The following DDX11 variants were observed in gnomAD, a reference collection of about 807,000 sequenced individuals.
The protein encoded by DDX11 is ATP-dependent DNA helicase DDX11.
Under a neutral mutation model 125.2 loss-of-function variants are expected in DDX11, and 72 were observed. The ratio of observed to expected loss-of-function variants is 0.58; its 90% CI spans 0.48 to 0.70. The LOEUF (loss-of-function observed/expected upper bound fraction) is 0.70. Ranked by LOEUF, DDX11 falls within the 30% of genes least tolerant of loss-of-function variation. The pLI is 0.00. For synonymous variants in DDX11, 347 were observed against 452.6 expected (o/e 0.77, Z 2.96); for missense variants, 883 against 1,165.0 (o/e 0.76, Z 3.52).
At chr12:31,097,205 T>C (rs1409145357) in intron 17 of DDX11, among the ~76,000 whole-genome samples, 27 of 143,320 alleles carry the variant, frequency 1.9e-4, no homozygotes, top group African/African-American at 6.8e-4. Flanking sequence ...GTGACCAGGG[T>C]AAGCAGTGGA....
chr12:31,082,893 C>T (rs948516949), intron 2 of DDX11, among the ~76,000 whole-genome samples: 3 of 152,136 alleles, frequency 2.0e-5, no homozygotes, highest in African/African-American at 7.2e-5. Context: ...GGCGTGTTCT[C>T]CTTGGGTATC....
Position 31,096,380 on chromosome 12 carries a change from GT to G in DDX11, c.1521+2del. On this transcript the variant is annotated splice_donor_variant, in intron 15 of 26. Coordinates refer to ENST00000542838, the MANE Select transcript of DDX11 (RefSeq NM_030653.4). LOFTEE classifies it high-confidence loss of function. ...TGAGAAGAGCATGATCAGCAGAAAGGTAACTGCTCCCATCTTGTGGTCCTGA... is the reference window on the plus strand; with the variant it reads ...TGAGAAGAGCATGATCAGCAGAAAGGAACTGCTCCCATCTTGTGGTCCTGA... 1 of 1,613,164 alleles carries G rather than the reference GT, an allele frequency of 6.2e-7. No individual in the cohort carries two copies. The highest frequency in any genetic ancestry group is 1.3e-5 in the African/African-American group (1 of 74,856).
At position 31,084,982 on chromosome 12, in the gene DDX11, A is replaced by C. The variant is rs1368079464; in HGVS notation, c.494A>C (p.Glu165Ala). Reference protein sequence around the residue: ...YAAKRLRQEEEERENLLRLSR... With the variant: ...YAAKRLRQEEAERENLLRLSR... Reference sequence around the variant, plus strand: ...ACCCCTGTCCAGAGGCAGGAAGAAGAAGAAAGAGAGAATCTCCTCCGCCTC... The same window carrying C: ...ACCCCTGTCCAGAGGCAGGAAGAAGCAGAAAGAGAGAATCTCCTCCGCCTC... The change falls in exon 5 of 27, where the codon GAA (glutamate) becomes GCA (alanine). Residue 165 changes from glutamate to alanine, a missense_variant. By Grantham distance (107) the Glu-to-Ala change is moderately radical (BLOSUM62 -1). This residue lies in a region of DDX11 where 283 missense variants were observed against 359.6 expected (regional missense o/e 0.79). Coordinates refer to ENST00000542838, the MANE Select transcript of DDX11 (RefSeq NM_030653.4). The C allele has an allele frequency of 6.2e-7, 1 of 1,608,552 alleles. No homozygotes were observed. Among genetic ancestry groups the C allele is most frequent in the African/African-American group, 1.3e-5 (1 of 74,878 alleles).
At chr12:31,095,205 C>T (rs1007222960) in intron 14 of DDX11, among the ~76,000 whole-genome samples, 3 of 152,230 alleles carry the variant, frequency 2.0e-5, no homozygotes, top group Non-Finnish European at 4.4e-5. Context: ...CAGACCTCTG[C>T]TCACTCCAGG....
chr12:31,098,583 T>G (rs1161057867), intron 18 of DDX11, among the ~76,000 whole-genome samples: 1 of 152,218 alleles, frequency 6.6e-6, no homozygotes, highest in Non-Finnish European at 1.5e-5. Context: ...AGTTTTCTGT[T>G]TTGAGCATGA....
intron 6 of DDX11, among the ~76,000 whole-genome samples, chr12:31,088,735 G>A (rs1259363519): frequency 6.6e-5 from 10 of 152,098 alleles, no homozygotes; most frequent in African/African-American, 2.4e-4. Flanking sequence ...CCTTTGCCAC[G>A]GGAGATGGTC....
chr12:31,084,022 G>A lies in DDX11; in HGVS notation c.354G>A (p.Val118=), dbSNP rs1451439900. Residue 118 remains valine (V), a synonymous_variant, in exon 3 of 27, where the codon GTG becomes GTA. Coordinates refer to ENST00000542838, the MANE Select transcript of DDX11 (RefSeq NM_030653.4). ...AGEPAWVTQF[V]QKKEERDLVD... ...AACCGGCCTGGGTTACTCAGTTTGT[G>A]CAGAAGAAAGAAGAGAGGGACCTGG... The A allele has an allele frequency of 6.2e-7, 1 of 1,613,866 alleles. No homozygotes were observed. The highest frequency in any genetic ancestry group is 8.5e-7 in the Non-Finnish European group (1 of 1,179,876).
At chr12:31,094,247 G>C in intron 12 of DDX11, 1 of 357,552 alleles carries the variant, frequency 2.8e-6, no homozygotes, top group Admixed American at 3.9e-5. Flanking sequence ...GCTCTGCTTT[G>C]CCTCAGGCTC....
intron 1 of DDX11, among the ~76,000 whole-genome samples, chr12:31,075,047 G>A (rs1160110657): frequency 3.3e-5 from 5 of 152,314 alleles, no homozygotes; most frequent in Admixed American, 1.3e-4. Flanking sequence ...TGTTCCTGAA[G>A]TGCTTTCACA....
chr12:31,077,573 T>A (rs373502811), intron 1 of DDX11, among the ~76,000 whole-genome samples: 1 of 151,056 alleles, frequency 6.6e-6, no homozygotes, highest in Non-Finnish European at 1.5e-5. Context: ...GTAGGCCGGG[T>A]GCGGTGGCTC....
rs375178842 is a variant in DDX11, at chr12:31,089,369, A to G, written c.793-34A>G. 3.0e-5 allele frequency: 49 copies of G among 1,610,702 alleles called. No individual in the cohort carries two copies. The African/African-American group carries it at 4.1e-4, about 14-fold the overall frequency. On this transcript the variant is annotated intron_variant, in intron 7 of 26. Coordinates refer to ENST00000542838, the MANE Select transcript of DDX11 (RefSeq NM_030653.4). ...GGTAGGATGTCATTTAGCTGGCACC[A>G]TCTTTTTGCCTCTTTCTTTCTCCTT...
At chr12:31,076,202 T>C (rs1304411142) in intron 1 of DDX11, among the ~76,000 whole-genome samples, 4 of 152,078 alleles carry the variant, frequency 2.6e-5, no homozygotes, top group Non-Finnish European at 4.4e-5. Flanking sequence ...AGCTGAAAGG[T>C]CCAGGGGCTG....
At position 31,104,158 on chromosome 12, in the gene DDX11, A is replaced by C; in HGVS notation, c.*322A>C. ...CCTGGTCTCCGCAGGAGGCTGTGGC[A>C]GCTGTGGCATCCACTGTGGCATCTC... is the stretch of plus-strand genomic sequence containing the variant. On this transcript the variant is annotated 3_prime_UTR_variant, in exon 27 of 27. Coordinates refer to ENST00000542838, the MANE Select transcript of DDX11 (RefSeq NM_030653.4). 6.9e-7 allele frequency: 1 copy of C among 1,447,044 alleles called. No homozygotes were observed. Among genetic ancestry groups the C allele is most frequent in the Non-Finnish European group, 9.1e-7 (1 of 1,097,388 alleles). The allele number at this position is 1,447,044 out of a possible 1,614,324, so 89.6% of individuals were successfully genotyped here. A position where few individuals can be genotyped will look rare whatever the true frequency, so the allele number is the denominator to read the frequency against.
rs141393116 is a variant in DDX11 at position 31,083,962 on chromosome 12, C to T, written c.294C>T (p.Cys98=). The T allele has an allele frequency of 2.5e-4, 400 of 1,613,836 alleles. 2 individuals carry two copies. Among genetic ancestry groups the T allele is most frequent in the Middle Eastern group, 1.3e-3 (8 of 6,078 alleles). The stretch of plus-strand genomic sequence containing the variant: ...AATCCCTGTGTCTGTCTTCTTCCTG[C>T]GAAGGGGCTGCAGGCACCCCGAGGC... The part of the protein sequence containing the change: ...KDESLCLSSS[C]EGAAGTPRPA... Residue 98 remains cysteine, a synonymous_variant, in exon 3 of 27, where the codon TGC becomes TGT. Coordinates refer to ENST00000542838, the MANE Select transcript of DDX11 (RefSeq NM_030653.4).
In DDX11 at chr12:31,100,587, G is replaced by A. The variant is rs565812692; in HGVS notation, c.1876-48G>A. 1.6e-5 allele frequency: 25 copies of A among 1,522,626 alleles called. No homozygotes were observed. The East Asian group carries it at 5.9e-4, about 36-fold the overall frequency. The allele number at this position is 1,522,626 out of a possible 1,614,324, so 94.3% of individuals were successfully genotyped here. On this transcript the variant is annotated intron_variant, in intron 18 of 26. Transcript: ENST00000542838. ...CAGACTTCTCGCTTCCTTTCTGCTG[G>A]GCCTCTGAGGGGTCATGGGGCCGTG...
chr12:31,102,094 G>T, intron 21 of DDX11, 112 bp downstream of exon 21: 1 of 1,393,138 alleles, frequency 7.2e-7, no homozygotes, highest in Non-Finnish European at 9.9e-7. Flanking sequence ...CATCCCCACC[G>T]CTCCCAGTCC....
At chr12:31,091,927 AT>A (rs1944313198) in intron 10 of DDX11, 56 bp downstream of exon 10, 16 of 1,611,236 alleles carry the variant, frequency 9.9e-6, no homozygotes, top group Non-Finnish European at 1.2e-5. Context: ...AGGGACTTGG[AT>A]GGTTCCTCCA....
At chr12:31,102,596 C>G in intron 23 of DDX11, 69 bp downstream of exon 23, 1 of 1,443,652 alleles carries the variant, frequency 6.9e-7, no homozygotes, top group Non-Finnish European at 9.7e-7. Flanking sequence ...GCAGCTGGGC[C>G]CCTGCCTGCT....
chr12:31,100,226 C>A (rs893282646), intron 18 of DDX11, among the ~76,000 whole-genome samples: 3 of 152,068 alleles, frequency 2.0e-5, no homozygotes, highest in Non-Finnish European at 4.4e-5. Context: ...ATTCTGTATC[C>A]CACCAGTACT....
Sources: allele counts gnomAD v4.1 joint callset (sites outside exome capture counted in the v4.1 genomes callset), GRCh38; gene constraint gnomAD v4.1.1; regional missense constraint gnomAD v4.1.1; transcripts MANE v1.5; gene names NCBI Gene and HGNC (gene_info 2026-07-23, HGNC 2026-07-21).